The following MYO6 variants were observed in gnomAD, a reference collection of about 807,000 sequenced individuals.
The protein encoded by MYO6 is myosin VI.
MYO6 carries 74 observed loss-of-function variants against 178.7 expected under a neutral mutation model. The observed-to-expected ratio is 0.41, with a 90% CI of 0.34 to 0.50. The LOEUF (loss-of-function observed/expected upper bound fraction) is 0.50, where lower values mean the gene tolerates loss of function less well. Among genes scored for constraint, MYO6 ranks in the 20% least tolerant of loss-of-function variants. The probability of loss-of-function intolerance (pLI) is 0.09; values close to 1 mark genes in which losing one functional copy is unlikely to be tolerated. For synonymous variants in MYO6, 477 were observed against 504.6 expected (o/e 0.95, Z 0.73); for missense variants, 1,330 against 1,547.4 (o/e 0.86, Z 2.36).
At chr6:75,783,393 A>G (rs1225017425) in intron 1 of MYO6, among the ~76,000 whole-genome samples, 1 of 152,172 alleles carries the variant, frequency 6.6e-6, no homozygotes, top group Non-Finnish European at 1.5e-5. Context: ...ACTTGTGGAA[A>G]TTAGGACGTC....
chr6:75,890,963 C>G lies in MYO6; in HGVS notation c.2868-265C>G, dbSNP rs929131454. Among the ~76,000 whole-genome samples the G allele has an allele frequency of 4.6e-5, 7 of 152,256 alleles. No individual in the cohort carries two copies. The South Asian group carries it at 1.4e-3, about 32-fold the overall frequency. ...GGGACTAGAGGGAAGCACCTTTAATCAGGACCTTACAGCCAGGCTTTGTAA... is the reference window on the plus strand; with the variant it reads ...GGGACTAGAGGGAAGCACCTTTAATGAGGACCTTACAGCCAGGCTTTGTAA... On this transcript the variant is annotated intron_variant, in intron 26 of 34. Coordinates refer to ENST00000369977, the MANE Select transcript of MYO6 (RefSeq NM_004999.4).
chr6:75,800,693 G>A (rs1487322709), intron 1 of MYO6, among the ~76,000 whole-genome samples: 1 of 152,104 alleles, frequency 6.6e-6, no homozygotes, highest in African/African-American at 2.4e-5. Context: ...GGAGTTAGGA[G>A]AGAGGTATAA....
At chr6:75,860,849 G>A (rs1776137956) in intron 14 of MYO6, among the ~76,000 whole-genome samples, 174 bp from the exon 15 acceptor site, 1 of 152,076 alleles carries the variant, frequency 6.6e-6, no homozygotes, top group Non-Finnish European at 1.5e-5. Context: ...CTTACCTTTA[G>A]TGCCTGTCTG....
chr6:75,818,620 A>G (rs988696987), intron 2 of MYO6, among the ~76,000 whole-genome samples: 3 of 152,224 alleles, frequency 2.0e-5, no homozygotes, highest in Admixed American at 6.5e-5. Flanking sequence ...ATACATGGCT[A>G]ACTAATGCCA....
chr6:75,889,676 G>C (rs184224616), intron 25 of MYO6, among the ~76,000 whole-genome samples: 3 of 152,292 alleles, frequency 2.0e-5, no homozygotes, highest in African/African-American at 7.2e-5. Flanking sequence ...GCCTCCCAAA[G>C]GGCTGGGATT....
intron 3 of MYO6, among the ~76,000 whole-genome samples, chr6:75,823,782 C>T (rs975912301): frequency 9.9e-5 from 15 of 152,154 alleles, no homozygotes; most frequent in African/African-American, 2.9e-4. Context: ...GCTGTCTGCT[C>T]GTGGGCATTT....
chr6:75,902,391 C>T (rs962807840), intron 30 of MYO6, among the ~76,000 whole-genome samples: 1 of 152,170 alleles, frequency 6.6e-6, no homozygotes, highest in Non-Finnish European at 1.5e-5. Flanking sequence ...TGATTATTGC[C>T]ACAATTTCAG....
At chr6:75,811,335 T>C (rs2150147754) in intron 1 of MYO6, among the ~76,000 whole-genome samples, 1 of 152,342 alleles carries the variant, frequency 6.6e-6, no homozygotes, top group Non-Finnish European at 1.5e-5. Context: ...GAAATTCAGC[T>C]CTCTTGTGGT....
chr6:75,778,335 C>G (rs1766594973), intron 1 of MYO6, among the ~76,000 whole-genome samples: 1 of 152,180 alleles, frequency 6.6e-6, no homozygotes, highest in Admixed American at 6.5e-5. Flanking sequence ...TGGCTCACGC[C>G]TGTAATCCCA....
intron 7 of MYO6, among the ~76,000 whole-genome samples, chr6:75,839,693 A>G (rs752507150): frequency 6.6e-6 from 1 of 152,212 alleles, no homozygotes; most frequent in Non-Finnish European, 1.5e-5. Context: ...TGATTATAAA[A>G]TAACAGTGAA....
intron 30 of MYO6, among the ~76,000 whole-genome samples, chr6:75,905,133 G>A: frequency 6.6e-6 from 1 of 152,198 alleles, no homozygotes; most frequent in African/African-American, 2.4e-5. Flanking sequence ...CTTCAAGGCT[G>A]TCAGACAGGG....
In MYO6 at chr6:75,841,281, A is replaced by G. The variant is rs766937820; in HGVS notation, c.719A>G (p.Lys240Arg). Residue 240 changes from lysine (K) to arginine (R), a missense_variant, in exon 9 of 35, where the codon AAA (lysine) becomes AGA (arginine). Around this residue, in one of 3 missense-constraint regions of MYO6, gnomAD observed 613 missense variants for 816.8 expected, o/e 0.75. Transcript: ENST00000369977. Reference protein sequence around the residue: ...LEKSRICVQGKEERNYHIFYR... With the variant: ...LEKSRICVQGREERNYHIFYR... ...AAATCTAGGATCTGTGTTCAAGGCA[A>G]AGAGGAAAGAAATTATCATATCTTT... is the stretch of plus-strand genomic sequence containing the variant. 3 of 1,613,872 alleles carry G rather than the reference A, an allele frequency of 1.9e-6. No homozygotes were observed. Among genetic ancestry groups the G allele is most frequent in the Non-Finnish European group, 2.5e-6 (3 of 1,179,910 alleles).
intron 1 of MYO6, among the ~76,000 whole-genome samples, chr6:75,772,934 A>G (rs572316206): frequency 6.6e-5 from 10 of 152,284 alleles, no homozygotes; most frequent in Admixed American, 5.9e-4. Flanking sequence ...TTTTAAGTGT[A>G]TTTACTTGAC....
chr6:75,864,757 A>G (rs1330346976), intron 16 of MYO6, among the ~76,000 whole-genome samples: 1 of 152,190 alleles, frequency 6.6e-6, no homozygotes, highest in African/African-American at 2.4e-5. Context: ...AGTAAATCCT[A>G]TTTTATATAG....
At chr6:75,907,542 T>G (rs1581993155) in intron 30 of MYO6, 63 bp from the exon 31 acceptor site, 1 of 1,308,086 alleles carries the variant, frequency 7.6e-7, no homozygotes, top group Admixed American at 1.7e-5. Context: ...CTTTCTTGCC[T>G]CTTTAGTCAA....
At chr6:75,835,819 A>G in intron 6 of MYO6, 82 bp from the exon 7 acceptor site, 1 of 773,538 alleles carries the variant, frequency 1.3e-6, no homozygotes, top group African/African-American at 1.7e-5. Flanking sequence ...TCTAGGTTTC[A>G]GTTTTATATG....
At chr6:75,792,393 G>A (rs1453722136) in intron 1 of MYO6, among the ~76,000 whole-genome samples, 1 of 152,106 alleles carries the variant, frequency 6.6e-6, no homozygotes, top group Non-Finnish European at 1.5e-5. Flanking sequence ...AAGGTGGACT[G>A]TATACTTATT....
intron 13 of MYO6, 105 bp downstream of exon 13, chr6:75,857,359 A>G (rs560041749): frequency 6.5e-5 from 74 of 1,135,714 alleles, no homozygotes; most frequent in Admixed American, 1.6e-4. Flanking sequence ...TACTTGATGT[A>G]TGTGTAATTA....
intron 2 of MYO6, among the ~76,000 whole-genome samples, chr6:75,819,998 T>G (rs1266835675): frequency 1.3e-5 from 2 of 152,202 alleles, no homozygotes; most frequent in Non-Finnish European, 2.9e-5. Flanking sequence ...GAGCTGTGAT[T>G]GTGCCACTGC....
Sources: gnomAD v4.1 joint callset for allele counts (sites outside exome capture counted in the v4.1 genomes callset) on GRCh38, gnomAD v4.1.1 for gene constraint, gnomAD v4.1.1 regional missense constraint, MANE v1.5 for transcripts, NCBI Gene and HGNC (gene_info 2026-07-23, HGNC 2026-07-21) for gene names.